The following CDK12 variants were observed in gnomAD, a reference collection of about 807,000 sequenced individuals.
CDK12 encodes the protein cyclin dependent kinase 12.
In CDK12, 17 loss-of-function variants were observed where a neutral mutation model predicts 133.8. That is an observed-to-expected ratio of 0.13 (90% confidence interval 0.09 to 0.19). The LOEUF (loss-of-function observed/expected upper bound fraction) is 0.19, where lower values mean the gene tolerates loss of function less well. CDK12 is among the 10% of genes least tolerant of loss of function. The probability of loss-of-function intolerance (pLI) is 1.00; values close to 1 mark genes in which losing one functional copy is unlikely to be tolerated. For synonymous variants in CDK12, 694 were observed against 683.6 expected, an observed-to-expected ratio of 1.02 and a Z score of -0.24; for missense variants, 1,508 against 1,818.7, an observed-to-expected ratio of 0.83 and a Z score of 3.11.
At chr17:39,545,656 G>A (rs1270893404), upstream of CDK12, among the ~76,000 whole-genome samples, 2 of 151,888 alleles carry the variant, frequency 1.3e-5, no homozygotes, top group East Asian at 1.9e-4. Context: ...CCGCCACTAC[G>A]CCTGGCTAAT....
upstream of CDK12, among the ~76,000 whole-genome samples, chr17:39,548,017 A>C (rs1041580107): frequency 2.6e-5 from 4 of 152,134 alleles, no homozygotes; most frequent in African/African-American, 9.7e-5. Context: ...ACTTATCTTC[A>C]TGTCTTCTGT....
At chr17:39,480,521 A>G (rs1290592323) in intron 2 of CDK12, among the ~76,000 whole-genome samples, 1 of 152,078 alleles carries the variant, frequency 6.6e-6, no homozygotes, top group East Asian at 1.9e-4. Context: ...AGCTCACTGC[A>G]ACCTCTGCCT....
At chr17:39,495,171 C>G (rs978420628) in intron 5 of CDK12, among the ~76,000 whole-genome samples, 1 of 152,022 alleles carries the variant, frequency 6.6e-6, no homozygotes, top group Admixed American at 6.6e-5. Context: ...CTCTGCCTCT[C>G]GGGTTTAAGT....
chr17:39,562,902 C>CTTTTTT (rs59852699), intron 3 of CDK12, among the ~76,000 whole-genome samples: 1 of 92,380 alleles, frequency 1.1e-5, no homozygotes. Context: ...TTTTTCTTTT[C>CTTTTTT]TTTTTTTTTT....
chr17:39,515,947 C>T lies in CDK12; in HGVS notation c.2846+139C>T, dbSNP rs1213874254. 6 of 558,218 alleles carry T rather than the reference C, an allele frequency of 1.1e-5. No individual in the cohort carries two copies. The East Asian group carries it at 1.8e-4, about 17-fold the overall frequency. 34.6% of individuals were successfully genotyped at this position (558,218 alleles called of 1,614,324 possible). On this transcript the variant is annotated intron_variant, in intron 9 of 13. Coordinates refer to ENST00000447079, the MANE Select transcript of CDK12 (RefSeq NM_016507.4). ...GTTTCTCTTTACTCAGTCAGGTTTACCATATATTTTGTCATAGGCTATACA... is the reference window on the plus strand; with the variant it reads ...GTTTCTCTTTACTCAGTCAGGTTTATCATATATTTTGTCATAGGCTATACA...
chr17:39,500,831 A>G (rs1451101797), intron 5 of CDK12, among the ~76,000 whole-genome samples: 1 of 151,210 alleles, frequency 6.6e-6, no homozygotes, highest in East Asian at 2.0e-4. Context: ...GGTTCAAGTG[A>G]TTCTCCCACC....
In CDK12 at chr17:39,541,978, C is replaced by G. The variant is rs143454968; in HGVS notation, c.451-2271C>G. On this transcript the variant is annotated intron_variant and NMD_transcript_variant, in intron 1 of 4. Transcript: ENST00000559663. ...AATGGCAGCCAGCCAGAACTAGATC[C>G]AAGAGGCCAGAATCTTGACTTCTGC... Among the ~76,000 whole-genome samples the G allele has an allele frequency of 2.0e-5, 3 of 152,286 alleles. No homozygotes were observed. The East Asian group carries it at 5.8e-4, about 29-fold the overall frequency.
intron 13 of CDK12, 68 bp downstream of exon 13, chr17:39,526,384 C>T: frequency 8.0e-7 from 1 of 1,247,252 alleles, no homozygotes; most frequent in East Asian, 2.5e-5. Context: ...AATCTCTTAA[C>T]ATTTTTTTTC....
intron 5 of CDK12, among the ~76,000 whole-genome samples, chr17:39,499,662 A>G (rs539423792): frequency 2.4e-4 from 36 of 151,050 alleles, no homozygotes; most frequent in Non-Finnish European, 4.1e-4. Context: ...GGCGCCTGCT[A>G]TCATGCCTGG....
chr17:39,487,503 G>A (rs2051223377), intron 2 of CDK12, among the ~76,000 whole-genome samples: 1 of 151,784 alleles, frequency 6.6e-6, no homozygotes, highest in East Asian at 1.9e-4. Flanking sequence ...ATCTGATACT[G>A]TGAAGGAATA....
At chr17:39,518,240 G>C (rs1027140575) in intron 10 of CDK12, among the ~76,000 whole-genome samples, 7 of 151,996 alleles carry the variant, frequency 4.6e-5, no homozygotes, top group Admixed American at 2.6e-4. Context: ...GCCTTCCAAA[G>C]TGCTGGGATT....
intron 2 of CDK12, among the ~76,000 whole-genome samples, chr17:39,481,651 T>TCC (rs2050686360): frequency 5.5e-5 from 1 of 18,314 alleles, no homozygotes; most frequent in Non-Finnish European, 1.4e-4. Context: ...TCTCTCTCTC[T>TCC]CTCTCTCTCT....
rs560518547 is a variant in CDK12, at chr17:39,517,259, C to G, written c.2847-181C>G. 2.0e-5 allele frequency among the ~76,000 whole-genome samples: 3 copies of G among 152,288 alleles called. No individual in the cohort carries two copies. The East Asian group carries it at 5.8e-4, about 29-fold the overall frequency. On this transcript the variant is annotated intron_variant, in intron 9 of 13. Transcript: ENST00000447079. ...TTTCCTCTGTTATAACCAGTTCTTT[C>G]TGTTCTCTGCCTTTCTGCCCTTAAA...
At chr17:39,535,975 G>T (rs1457226794), downstream of CDK12, among the ~76,000 whole-genome samples, 1 of 152,138 alleles carries the variant, frequency 6.6e-6, no homozygotes, top group Non-Finnish European at 1.5e-5. Flanking sequence ...GAGAGGCAAG[G>T]TGAGCATTCC....
chr17:39,500,774 TG>T (rs1459306332), intron 5 of CDK12, among the ~76,000 whole-genome samples: 1 of 151,788 alleles, frequency 6.6e-6, no homozygotes, highest in Non-Finnish European at 1.5e-5. Flanking sequence ...TTGCCCAGGC[TG>T]GAATGCAGTG....
intron 6 of CDK12, among the ~76,000 whole-genome samples, chr17:39,503,697 C>T (rs931131709): frequency 4.6e-5 from 7 of 152,124 alleles, no homozygotes; most frequent in Admixed American, 1.3e-4. Context: ...AAGCAGGATA[C>T]AGGAATCCTG....
upstream of CDK12, among the ~76,000 whole-genome samples, chr17:39,548,377 A>G (rs2055812708): frequency 6.6e-6 from 1 of 152,142 alleles, no homozygotes; most frequent in Non-Finnish European, 1.5e-5. Flanking sequence ...GCACAGGTGC[A>G]TCTCTCCCTT....
At chr17:39,523,046 C>T (rs2054279308) in intron 11 of CDK12, among the ~76,000 whole-genome samples, 1 of 151,888 alleles carries the variant, frequency 6.6e-6, no homozygotes, top group Admixed American at 6.6e-5. Flanking sequence ...GAGTGATACT[C>T]CATCTCAAAA....
At chr17:39,543,082 A>G (rs1033456076), upstream of CDK12, among the ~76,000 whole-genome samples, 1 of 152,222 alleles carries the variant, frequency 6.6e-6, no homozygotes, top group African/African-American at 2.4e-5. Flanking sequence ...AAGAAAACAC[A>G]TCGGCTAGAA....
Sources: allele counts gnomAD v4.1 joint callset (sites outside exome capture counted in the v4.1 genomes callset), GRCh38; gene constraint gnomAD v4.1.1; transcripts MANE v1.5; gene names NCBI Gene and HGNC (gene_info 2026-07-23, HGNC 2026-07-21).